The following SPATA18 variants were observed in gnomAD, a reference collection of about 807,000 sequenced individuals.
SPATA18 encodes the protein spermatogenesis associated 18.
Under a neutral mutation model 68.1 loss-of-function variants are expected in SPATA18, and 54 were observed. That is an observed-to-expected ratio of 0.79 (90% CI 0.64 to 0.99). The LOEUF (loss-of-function observed/expected upper bound fraction) is 0.99, where lower values mean the gene tolerates loss of function less well. SPATA18 is among the 50% of genes least tolerant of loss of function. The pLI is 0.00. For synonymous variants in SPATA18, 242 were observed against 244.8 expected, an observed-to-expected ratio of 0.99 and a Z score of 0.11; for missense variants, 724 against 681.1, an observed-to-expected ratio of 1.06 and a Z score of -0.70.
Position 52,096,541 on chromosome 4 carries a change from G to GA in SPATA18, c.*1661dup, listed in dbSNP as rs967623198. The GA allele has an allele frequency of 3.3e-5, 5 of 151,800 alleles. No homozygotes were observed. The highest frequency in any genetic ancestry group is 2.1e-4 in the South Asian group (1 of 4,798). 9.4% of individuals were successfully genotyped at this position (151,800 alleles called of 1,614,324 possible). A position where few individuals can be genotyped will look rare whatever the true frequency, so the allele number is the denominator to read the frequency against. The stretch of plus-strand genomic sequence containing the variant: ...AGTACCCTAACTATAATATAAAGCA[G>GA]AAAAAAAGGCAACTTTTAATAAAAT... On this transcript the variant is annotated 3_prime_UTR_variant, in exon 13 of 13. Coordinates refer to ENST00000295213, the MANE Select transcript of SPATA18 (RefSeq NM_145263.4).
At chr4:52,067,981 A>T (rs1202689234) in intron 4 of SPATA18, among the ~76,000 whole-genome samples, 3 of 152,212 alleles carry the variant, frequency 2.0e-5, no homozygotes, top group Non-Finnish European at 4.4e-5. Flanking sequence ...TGATTAAAAC[A>T]ATTGTTAGCA....
At position 52,078,793 on chromosome 4, in the gene SPATA18, C is replaced by T. The variant is rs768840106; in HGVS notation, c.1079C>T (p.Ser360Leu). Residue 360 changes from serine to leucine, a missense_variant, in exon 8 of 13, where the codon TCG (serine) becomes TTG (leucine). Coordinates refer to ENST00000295213, the MANE Select transcript of SPATA18 (RefSeq NM_145263.4). ...FRHFKIHVRK[S>L]LTPSYVGSND... is the part of the protein sequence containing the mutation. Reference sequence around the variant, plus strand: ...CACTTCAAGATCCATGTGAGAAAATCGTTGACACCATCTTATGTGGGGTCG... The same window carrying T: ...CACTTCAAGATCCATGTGAGAAAATTGTTGACACCATCTTATGTGGGGTCG... 2 of 1,606,600 alleles carry T rather than the reference C, an allele frequency of 1.2e-6. No homozygotes were observed. Among genetic ancestry groups the T allele is most frequent in the African/African-American group, 2.7e-5 (2 of 74,858 alleles).
intron 11 of SPATA18, among the ~76,000 whole-genome samples, chr4:52,085,225 A>G (rs1046467599): frequency 1.3e-5 from 2 of 152,176 alleles, no homozygotes; most frequent in Non-Finnish European, 2.9e-5. Context: ...AAGGAATAGT[A>G]GATTTTATGT....
At position 52,077,039 on chromosome 4, in the gene SPATA18, T is replaced by A; in HGVS notation, c.1019T>A (p.Val340Glu). Residue 340 changes from valine to glutamate, a missense_variant and splice_region_variant, in exon 7 of 13, where the codon GTG becomes GAG. Transcript: ENST00000295213. ...CAGCGGATCATCTACATCGCCACAGTGGTATGTGACGCCTGCGGGACTCCC... is the reference window on the plus strand; with the variant it reads ...CAGCGGATCATCTACATCGCCACAGAGGTATGTGACGCCTGCGGGACTCCC... ...TVQRIIYIAT[V>E]EAFHVAKMAF... 6.3e-7 allele frequency: 1 copy of A among 1,598,272 alleles called. No homozygotes were observed. Among genetic ancestry groups the A allele is most frequent in the Non-Finnish European group, 8.5e-7 (1 of 1,171,570 alleles).
chr4:52,090,975 G>T (rs916899188), intron 11 of SPATA18, among the ~76,000 whole-genome samples: 2 of 151,894 alleles, frequency 1.3e-5, no homozygotes, highest in African/African-American at 4.8e-5. Flanking sequence ...TTTCTTGGAG[G>T]CTTTGTTTGT....
chr4:52,070,590 C>T (rs925621409), intron 5 of SPATA18, among the ~76,000 whole-genome samples: 4 of 151,612 alleles, frequency 2.6e-5, no homozygotes, highest in Non-Finnish European at 4.4e-5. Context: ...TGCTAAATGA[C>T]GAGTTAATGG....
chr4:52,056,199 G>T (rs1403563122), intron 1 of SPATA18, among the ~76,000 whole-genome samples: 1 of 151,964 alleles, frequency 6.6e-6, no homozygotes, highest in Non-Finnish European at 1.5e-5. Flanking sequence ...TGTGGCTTCT[G>T]CACTCTCCCA....
intron 1 of SPATA18, among the ~76,000 whole-genome samples, chr4:52,058,221 C>A (rs1255507041): frequency 2.6e-5 from 4 of 152,158 alleles, no homozygotes; most frequent in African/African-American, 9.7e-5. Flanking sequence ...TTAGACCCTT[C>A]AATTTGCTAG....
intron 6 of SPATA18, among the ~76,000 whole-genome samples, chr4:52,076,343 G>A (rs1363336435): frequency 6.6e-6 from 1 of 152,132 alleles, no homozygotes; most frequent in African/African-American, 2.4e-5. Flanking sequence ...TTGGGATAAA[G>A]CCAAAAAGAC....
intron 1 of SPATA18, among the ~76,000 whole-genome samples, chr4:52,057,799 T>G (rs570731607): frequency 6.6e-6 from 1 of 152,372 alleles, no homozygotes; most frequent in African/African-American, 2.4e-5. Flanking sequence ...TGCCAATTGA[T>G]GAACACCTTC....
intron 10 of SPATA18, among the ~76,000 whole-genome samples, chr4:52,084,472 T>C (rs1315399646): frequency 6.6e-6 from 1 of 152,238 alleles, no homozygotes; most frequent in Non-Finnish European, 1.5e-5. Flanking sequence ...TAGGCAGTAG[T>C]GGTGTTTTAT....
Position 52,082,494 on chromosome 4 carries a change from C to T in SPATA18, c.1463C>T (p.Thr488Ile), listed in dbSNP as rs1741025744. The change falls in exon 10 of 13, where the codon ACC (threonine) becomes ATC (isoleucine). Residue 488 changes from threonine (T) to isoleucine (I), a missense_variant. By Grantham distance (89) the Thr-to-Ile change is moderately conservative. Transcript: ENST00000295213. ...GTCATTATGAAGGGAGAAGCTGTCA[C>T]CAGGAGAGGGGCTTTTGTACGGTGG... Reference protein sequence around the residue: ...DCVIMKGEAVTRRGAFWNSVR... With the variant: ...DCVIMKGEAVIRRGAFWNSVR... 6 of 1,614,086 alleles carry T rather than the reference C, an allele frequency of 3.7e-6. No individual in the cohort carries two copies. Among genetic ancestry groups the T allele is most frequent in the Non-Finnish European group, 5.1e-6 (6 of 1,179,990 alleles).
In SPATA18 at chr4:52,096,958, T is replaced by C. The variant is rs1334495018; in HGVS notation, c.*2071T>C. 1 of 152,144 alleles carries C rather than the reference T, an allele frequency of 6.6e-6. No individual in the cohort carries two copies. The highest frequency in any genetic ancestry group is 1.5e-5 in the Non-Finnish European group (1 of 68,024). The allele number at this position is 152,144 out of a possible 1,614,324, so 9.4% of individuals were successfully genotyped here. A position where few individuals can be genotyped will look rare whatever the true frequency, so the allele number is the denominator to read the frequency against. ...CAGGAGCCAAGCACATATACTGATT[T>C]GGAAAAAGGCACAGGTAGCTCAGTT... On this transcript the variant is annotated 3_prime_UTR_variant, in exon 13 of 13. Transcript: ENST00000295213.
At chr4:52,085,925 CA>C (rs1170652719) in intron 11 of SPATA18, among the ~76,000 whole-genome samples, 4 of 152,086 alleles carry the variant, frequency 2.6e-5, no homozygotes, top group African/African-American at 7.2e-5. Flanking sequence ...CAAAAGAAAA[CA>C]AAACTCCCCA....
intron 6 of SPATA18, among the ~76,000 whole-genome samples, chr4:52,075,555 G>A (rs1327255963): frequency 6.6e-6 from 1 of 152,130 alleles, no homozygotes; most frequent in Non-Finnish European, 1.5e-5. Context: ...GGGATTTGGG[G>A]GTCAAAACTT....
chr4:52,088,907 G>T (rs1030246869), intron 11 of SPATA18, among the ~76,000 whole-genome samples: 1 of 152,242 alleles, frequency 6.6e-6, no homozygotes, highest in Non-Finnish European at 1.5e-5. Flanking sequence ...GAATCCGTCT[G>T]GTCCTGGACT....
Position 52,076,872 on chromosome 4 carries a change from G to C in SPATA18, c.852G>C (p.Arg284Ser). 6.2e-7 allele frequency: 1 copy of C among 1,614,218 alleles called. No individual in the cohort carries two copies. Among genetic ancestry groups the C allele is most frequent in the Non-Finnish European group, 8.5e-7 (1 of 1,180,030 alleles). The change falls in exon 7 of 13, where the codon AGG becomes AGC. Residue 284 changes from arginine (R) to serine (S), a missense_variant. Transcript: ENST00000295213. Reference sequence around the variant, plus strand: ...GCCCCTCCACCGCTGTCAAGGTCAGGAGACCGTCCCCAAACCGCTCCAAGC... The same window carrying C: ...GCCCCTCCACCGCTGTCAAGGTCAGCAGACCGTCCCCAAACCGCTCCAAGC... ...SASPSTAVKV[R>S]RPSPNRSKLS...
chr4:52,088,092 G>A (rs565820821), intron 11 of SPATA18, among the ~76,000 whole-genome samples: 10 of 152,284 alleles, frequency 6.6e-5, no homozygotes, highest in African/African-American at 1.9e-4. Flanking sequence ...TGGTGTATAG[G>A]AATGCTTGTG....
chr4:52,079,676 A>G (rs944659428), intron 8 of SPATA18, 68 bp from the exon 9 acceptor site: 1 of 1,549,878 alleles, frequency 6.5e-7, no homozygotes, highest in Non-Finnish European at 8.8e-7. Flanking sequence ...CAATCCTAAT[A>G]TTCTTAGGAT....
Sources: allele counts gnomAD v4.1 joint callset (sites outside exome capture counted in the v4.1 genomes callset), GRCh38; gene constraint gnomAD v4.1.1; transcripts MANE v1.5; gene names NCBI Gene and HGNC (gene_info 2026-07-23, HGNC 2026-07-21).